Variants in MACROD2 observed in about 807,000 individuals in gnomAD.
The protein encoded by MACROD2 is mono-ADP ribosylhydrolase 2, also known as ADP-ribose glycohydrolase MACROD2.
In MACROD2, 36 loss-of-function variants were observed where a neutral mutation model predicts 70.4. The ratio of observed to expected loss-of-function variants is 0.51; its 90% CI spans 0.39 to 0.68. The LOEUF is 0.68. MACROD2 is among the 30% of genes least tolerant of loss of function. The pLI, the probability that MACROD2 is intolerant of heterozygous loss-of-function variation, is 0.00. For synonymous variants in MACROD2, 172 were observed against 178.8 expected, an observed-to-expected ratio of 0.96 and a Z score of 0.30; for missense variants, 496 against 538.4, an observed-to-expected ratio of 0.92 and a Z score of 0.78.
intron 6 of MACROD2, among the ~76,000 whole-genome samples, chr20:15,381,178 T>G (rs1449483609): frequency 6.6e-6 from 1 of 152,140 alleles, no homozygotes; most frequent in Non-Finnish European, 1.5e-5. Flanking sequence ...TAGCAAAATT[T>G]ATAATAAACT....
At chr20:16,039,633 G>A (rs547527198) in intron 15 of MACROD2, among the ~76,000 whole-genome samples, 61 of 151,932 alleles carry the variant, frequency 4.0e-4, no homozygotes, top group African/African-American at 1.4e-3. Flanking sequence ...TTTCCTGCTC[G>A]CAGGCTTAGG....
intron 5 of MACROD2, among the ~76,000 whole-genome samples, chr20:14,725,092 T>C (rs1021287849): frequency 6.6e-6 from 1 of 151,934 alleles, no homozygotes; most frequent in African/African-American, 2.4e-5. Flanking sequence ...AGTGAAAGGA[T>C]GGGAAGAATC....
chr20:15,973,949 T>A (rs552312187), intron 13 of MACROD2, among the ~76,000 whole-genome samples: 20 of 152,302 alleles, frequency 1.3e-4, no homozygotes, highest in African/African-American at 4.3e-4. Context: ...AATAAAAACC[T>A]GTTGAAAATG....
intron 10 of MACROD2, among the ~76,000 whole-genome samples, chr20:15,908,136 T>A (rs1038219739): frequency 6.6e-6 from 1 of 152,224 alleles, no homozygotes; most frequent in Admixed American, 6.5e-5. Flanking sequence ...TTTTGTTTTT[T>A]TCCTTTTTGC....
chr20:14,161,581 T>C (rs1454036777), intron 3 of MACROD2, among the ~76,000 whole-genome samples: 3 of 151,604 alleles, frequency 2.0e-5, no homozygotes, highest in Non-Finnish European at 1.5e-5. Flanking sequence ...TTTGGTTTTT[T>C]TTTTTTTTTT....
intron 8 of MACROD2, among the ~76,000 whole-genome samples, chr20:15,757,526 A>C (rs111373531): frequency 6.6e-6 from 1 of 152,202 alleles, no homozygotes; most frequent in South Asian, 2.1e-4. Context: ...AGAATCCAAA[A>C]CTGACCAATC....
At chr20:16,019,650 G>A (rs967400227) in intron 15 of MACROD2, among the ~76,000 whole-genome samples, 1 of 152,188 alleles carries the variant, frequency 6.6e-6, no homozygotes, top group African/African-American at 2.4e-5. Flanking sequence ...TAACCACAAT[G>A]TGGTTCCTGG....
intron 8 of MACROD2, among the ~76,000 whole-genome samples, chr20:15,653,943 G>A (rs2049685748): frequency 6.6e-6 from 1 of 152,120 alleles, no homozygotes; most frequent in African/African-American, 2.4e-5. Context: ...AAGAAAAGCA[G>A]AGGAGGAAGC....
chr20:15,667,499 G>GTATCTATCTATGTATC (rs551695228), intron 8 of MACROD2, among the ~76,000 whole-genome samples: 3 of 150,256 alleles, frequency 2.0e-5, no homozygotes, highest in African/African-American at 7.3e-5. Context: ...ATCTATCTAT[G>GTATCTATCTATGTATC]TATCTATCTA....
At chr20:14,412,507 T>G (rs573562957) in intron 3 of MACROD2, among the ~76,000 whole-genome samples, 1 of 152,150 alleles carries the variant, frequency 6.6e-6, no homozygotes, top group Admixed American at 6.5e-5. Context: ...GTGACAGAGT[T>G]GAATTTCAGA....
At chr20:14,248,772 C>T (rs2081987368) in intron 3 of MACROD2, among the ~76,000 whole-genome samples, 1 of 152,000 alleles carries the variant, frequency 6.6e-6, no homozygotes, top group Non-Finnish European at 1.5e-5. Context: ...CTTTTGGTCC[C>T]ATGCATTTCA....
Position 15,566,317 on chromosome 20 carries a change from C to G in MACROD2, c.645+66470C>G, listed in dbSNP as rs576467630. 9.9e-5 allele frequency among the ~76,000 whole-genome samples: 15 copies of G among 152,050 alleles called. No individual in the cohort carries two copies. The East Asian group carries it at 1.5e-3, about 16-fold the overall frequency. On this transcript the variant is annotated intron_variant, in intron 8 of 17. Coordinates refer to ENST00000684519, the MANE Select transcript of MACROD2 (RefSeq NM_001351661.2). ...TGGCCAACATGGCGAAACCCACCCC[C>G]CACCGTCTCTACTAAAAAACAAAAA...
chr20:14,127,875 C>A, intron 3 of MACROD2: 1 of 488,136 alleles, frequency 2.0e-6, no homozygotes, highest in South Asian at 1.6e-5. Flanking sequence ...AAATGTTTCC[C>A]AACTAGATCT....
chr20:15,997,322 T>G (rs11087158), intron 15 of MACROD2, among the ~76,000 whole-genome samples: 20,156 of 152,148 alleles, frequency 0.13, 1,715 homozygotes, highest in Non-Finnish European at 0.2. Flanking sequence ...CATTAATTCT[T>G]TTGATTCATA....
At chr20:14,442,867 G>C (rs1036277497) in intron 3 of MACROD2, among the ~76,000 whole-genome samples, 1 of 152,046 alleles carries the variant, frequency 6.6e-6, no homozygotes, top group Non-Finnish European at 1.5e-5. Context: ...ATGAGGTCAG[G>C]AGATCGAGAC....
intron 3 of MACROD2, among the ~76,000 whole-genome samples, chr20:14,266,993 T>C (rs1397211846): frequency 6.6e-6 from 1 of 152,186 alleles, no homozygotes; most frequent in African/African-American, 2.4e-5. Flanking sequence ...CAAGTTCTTT[T>C]TATTTGCCAA....
In MACROD2 at chr20:15,416,768, G is replaced by C. The variant is rs540377173; in HGVS notation, c.541-14637G>C. Among the ~76,000 whole-genome samples, 340 of 91,034 alleles carry C rather than the reference G, an allele frequency of 3.7e-3. 1 individual carries two copies. Among genetic ancestry groups the C allele is most frequent in the Middle Eastern group, 0.011 (2 of 182 alleles). 59.7% of individuals were successfully genotyped at this position (91,034 alleles called of 152,430 possible). A position where few individuals can be genotyped will look rare whatever the true frequency, so the allele number is the denominator to read the frequency against. On this transcript the variant is annotated intron_variant, in intron 6 of 17. Transcript: ENST00000684519. ...AAATACAAAAAATTAGCGGGGCGGT[G>C]GGGGGGCGCCGGTAGTCCCAGCTAC...
chr20:14,541,544 C>G (rs1004733212), intron 4 of MACROD2, among the ~76,000 whole-genome samples: 3 of 152,026 alleles, frequency 2.0e-5, no homozygotes, highest in African/African-American at 4.8e-5. Flanking sequence ...CTTTAACTTA[C>G]TGTTGTATCT....
intron 3 of MACROD2, among the ~76,000 whole-genome samples, chr20:14,382,052 TGG>T (rs992595412): frequency 1.0e-4 from 14 of 138,698 alleles, no homozygotes; most frequent in African/African-American, 3.7e-4. Flanking sequence ...TATACTATAA[TGG>T]GATTGATTTT....
Sources: gnomAD v4.1 joint callset for allele counts (sites outside exome capture counted in the v4.1 genomes callset) on GRCh38, gnomAD v4.1.1 for gene constraint, MANE v1.5 for transcripts, NCBI Gene and HGNC (gene_info 2026-07-23, HGNC 2026-07-21) for gene names.